Variants in GRID1 observed in about 807,000 individuals in gnomAD.
The protein encoded by GRID1 is glutamate receptor ionotropic, delta-1.
In GRID1, 28 loss-of-function variants were observed where a neutral mutation model predicts 98.0. The observed-to-expected ratio is 0.29, with a 90% confidence interval of 0.21 to 0.39. The LOEUF is 0.39. Ranked by LOEUF, GRID1 falls within the 10% of genes least tolerant of loss-of-function variation. The pLI is 1.00. For synonymous variants in GRID1, 553 were observed against 538.5 expected, an observed-to-expected ratio of 1.03 and a Z score of -0.37; for missense variants, 1,111 against 1,340.5, an observed-to-expected ratio of 0.83 and a Z score of 2.67.
chr10:86,097,373 T>C (rs1235259150), intron 4 of GRID1, among the ~76,000 whole-genome samples: 2 of 152,246 alleles, frequency 1.3e-5, no homozygotes, highest in Non-Finnish European at 2.9e-5. Flanking sequence ...ATGCCATTTT[T>C]CACCACTCAG....
In GRID1 at chr10:86,252,748, T is replaced by C. The variant is rs569874180; in HGVS notation, c.236-46100A>G. 2.6e-5 allele frequency among the ~76,000 whole-genome samples: 4 copies of C among 152,334 alleles called. No individual in the cohort carries two copies. The East Asian group carries it at 7.7e-4, about 29-fold the overall frequency. ...TTTACATAGTTTGTGCTCCCTGAGA[T>C]AACATTACCGTCTCTGGGGGCCTCC... On this transcript the variant is annotated intron_variant, in intron 2 of 15. Transcript: ENST00000327946.
intron 4 of GRID1, among the ~76,000 whole-genome samples, chr10:86,010,559 C>G (rs12571080): frequency 0.33 from 50,204 of 152,054 alleles, 9,018 homozygotes; most frequent in South Asian, 0.49. Flanking sequence ...TGGTTCATTC[C>G]TATAATCCTA....
At position 85,599,802 on chromosome 10, in the gene GRID1, A is replaced by AAAAAAAAAAAAAAAAAAAAATAT; in HGVS notation, c.*2470_*2471insATATTTTTTTTTTTTTTTTTTTT. The AAAAAAAAAAAAAAAAAAAAATAT allele has an allele frequency of 6.2e-5, 4 of 64,980 alleles. No individual in the cohort carries two copies. Among genetic ancestry groups the AAAAAAAAAAAAAAAAAAAAATAT allele is most frequent in the African/African-American group, 2.8e-4 (3 of 10,728 alleles). The allele number at this position is 64,980 out of a possible 1,614,324, so 4.0% of individuals were successfully genotyped here. A position where few individuals can be genotyped will look rare whatever the true frequency, so the allele number is the denominator to read the frequency against. ...GTAGAAAATTCTAAAAAAAAAAAAA[A>AAAAAAAAAAAAAAAAAAAAATAT]ATATATATATATATATATAAACATG... is the stretch of plus-strand genomic sequence containing the variant. On this transcript the variant is annotated 3_prime_UTR_variant, in exon 16 of 16. Transcript: ENST00000327946.
chr10:85,776,365 G>C (rs1039928357), intron 8 of GRID1, among the ~76,000 whole-genome samples: 13 of 152,196 alleles, frequency 8.5e-5, no homozygotes, highest in Non-Finnish European at 1.3e-4. Flanking sequence ...AAAGAACGTA[G>C]AGCAGACAAT....
chr10:85,883,510 GTCTC>G (rs72270077), intron 5 of GRID1, among the ~76,000 whole-genome samples: 17 of 136,910 alleles, frequency 1.2e-4, no homozygotes, highest in East Asian at 2.2e-4. Context: ...CTCTCTCTCT[GTCTC>G]TCTCTCTCTC....
chr10:85,606,476 T>A (rs539095287), intron 15 of GRID1: 1 of 152,330 alleles, frequency 6.6e-6, no homozygotes, highest in East Asian at 1.9e-4. Context: ...GTTATTTAAC[T>A]GAATAAGAAA....
intron 12 of GRID1, among the ~76,000 whole-genome samples, chr10:85,717,672 C>T (rs1841654997): frequency 6.6e-6 from 1 of 152,156 alleles, no homozygotes; most frequent in South Asian, 2.1e-4. Flanking sequence ...AGGAATCATG[C>T]CTTCCCAACA....
intron 12 of GRID1, among the ~76,000 whole-genome samples, chr10:85,720,414 T>C (rs991519228): frequency 6.6e-6 from 1 of 152,080 alleles, no homozygotes; most frequent in African/African-American, 2.4e-5. Context: ...CACTCTACCC[T>C]ATAGTAAGGC....
At chr10:86,269,567 C>A (rs1008784261) in intron 2 of GRID1, among the ~76,000 whole-genome samples, 8 of 152,206 alleles carry the variant, frequency 5.3e-5, no homozygotes, top group African/African-American at 1.9e-4. Context: ...TGACCCCTGG[C>A]TAATTAGGAG....
At chr10:86,185,251 T>G (rs1448306810) in intron 3 of GRID1, among the ~76,000 whole-genome samples, 2 of 152,154 alleles carry the variant, frequency 1.3e-5, no homozygotes, top group Non-Finnish European at 2.9e-5. Flanking sequence ...CTATTGTAAA[T>G]AGTATTCTTC....
chr10:85,670,651 C>T (rs188365538), intron 12 of GRID1, among the ~76,000 whole-genome samples: 161 of 152,256 alleles, frequency 1.1e-3, no homozygotes, highest in Non-Finnish European at 1.7e-3. Context: ...CCATCTTCAT[C>T]TCCTGCTCGT....
chr10:86,084,735 G>A (rs1844026308), intron 4 of GRID1, among the ~76,000 whole-genome samples: 1 of 152,176 alleles, frequency 6.6e-6, no homozygotes, highest in African/African-American at 2.4e-5. Context: ...GCTACAACAT[G>A]AATGACTCTT....
In GRID1 at chr10:85,818,419, C is replaced by T. The variant is rs73330555; in HGVS notation, c.1233+36077G>A. Reference sequence around the variant, plus strand: ...TAATACACATGCATATACTTCCTCACTTTGTCCATTAAAAGGTCCAAGAAG... The same window carrying T: ...TAATACACATGCATATACTTCCTCATTTTGTCCATTAAAAGGTCCAAGAAG... On this transcript the variant is annotated intron_variant, in intron 8 of 15. Coordinates refer to ENST00000327946, the MANE Select transcript of GRID1 (RefSeq NM_017551.3). Among the ~76,000 whole-genome samples, 870 of 152,296 alleles carry T rather than the reference C, an allele frequency of 5.7e-3. 7 individuals carry two copies. Among genetic ancestry groups the T allele is most frequent in the African/African-American group, 0.02 (818 of 41,576 alleles).
intron 4 of GRID1, among the ~76,000 whole-genome samples, chr10:85,939,557 C>T (rs1017523712): frequency 1.3e-5 from 2 of 152,136 alleles, no homozygotes; most frequent in African/African-American, 4.8e-5. Context: ...TCAGCAGCAA[C>T]ACGTCTTTCT....
chr10:85,964,685 A>G (rs2131851147), intron 4 of GRID1, among the ~76,000 whole-genome samples: 1 of 152,326 alleles, frequency 6.6e-6, no homozygotes, highest in Admixed American at 6.5e-5. Flanking sequence ...AACCATAAAA[A>G]CCCTAGAAGA....
chr10:86,021,446 T>G (rs1164634170), intron 4 of GRID1, among the ~76,000 whole-genome samples: 1 of 152,222 alleles, frequency 6.6e-6, no homozygotes, highest in African/African-American at 2.4e-5. Context: ...AGATGTCTGT[T>G]TAGGGTTTTT....
At chr10:86,059,061 C>A (rs1428804239) in intron 4 of GRID1, among the ~76,000 whole-genome samples, 4 of 152,070 alleles carry the variant, frequency 2.6e-5, no homozygotes, top group Admixed American at 2.6e-4. Flanking sequence ...GAGGAGGAGG[C>A]AGGGGAAAAG....
chr10:85,834,437 A>T (rs1040993861), intron 8 of GRID1, among the ~76,000 whole-genome samples: 10 of 152,214 alleles, frequency 6.6e-5, no homozygotes, highest in Non-Finnish European at 1.2e-4. Flanking sequence ...TGCCTAGAAG[A>T]CCAATCCTTC....
At chr10:85,905,809 A>G (rs1228561321) in intron 5 of GRID1, among the ~76,000 whole-genome samples, 1 of 152,146 alleles carries the variant, frequency 6.6e-6, no homozygotes, top group Non-Finnish European at 1.5e-5. Flanking sequence ...AAAATTCGCA[A>G]TTCACCCATA....
Sources: gnomAD v4.1 joint callset for allele counts (sites outside exome capture counted in the v4.1 genomes callset) on GRCh38, gnomAD v4.1.1 for gene constraint, MANE v1.5 for transcripts, NCBI Gene and HGNC (gene_info 2026-07-23, HGNC 2026-07-21) for gene names.